The following APLP1 variants were observed in gnomAD, a reference collection of about 807,000 sequenced individuals.
The protein encoded by APLP1 is amyloid beta (A4) precursor-like protein 1.
APLP1 carries 46 observed loss-of-function variants against 84.5 expected under a neutral mutation model. The observed-to-expected ratio is 0.54, with a 90% CI of 0.43 to 0.70. The LOEUF is 0.70. Among genes scored for constraint, APLP1 ranks in the 30% least tolerant of loss-of-function variants. The probability of loss-of-function intolerance (pLI) is 0.00; values close to 1 mark genes in which losing one functional copy is unlikely to be tolerated. For synonymous variants in APLP1, 376 were observed against 364.0 expected, an observed-to-expected ratio of 1.03 and a Z score of -0.38; for missense variants, 826 against 900.2, an observed-to-expected ratio of 0.92 and a Z score of 1.05.
Position 35,879,419 on chromosome 19 carries a change from G to A in APLP1, c.1934G>A (p.Arg645His), listed in dbSNP as rs756305035. The A allele has an allele frequency of 6.2e-7, 1 of 1,613,422 alleles. No homozygotes were observed. The highest frequency in any genetic ancestry group is 1.1e-5 in the South Asian group (1 of 91,054). ...QRHGYENPTY[R>H]FLEERP ...CACGGCTATGAGAACCCCACTTACCGCTTCCTGGAGGAACGACCCTGACCC... is the reference window on the plus strand; with the variant it reads ...CACGGCTATGAGAACCCCACTTACCACTTCCTGGAGGAACGACCCTGACCC... The change falls in exon 17 of 17, where the codon CGC (arginine) becomes CAC (histidine). Residue 645 changes from arginine to histidine, a missense_variant. Transcript: ENST00000221891.
intron 10 of APLP1, 136 bp from the exon 11 acceptor site, chr19:35,876,381 C>A: frequency 1.4e-6 from 1 of 739,652 alleles, no homozygotes; most frequent in Non-Finnish European, 2.4e-6. Flanking sequence ...AGTTCCTAAC[C>A]CTTGTACCAC....
chr19:35,872,099 C>A, intron 6 of APLP1, 63 bp downstream of exon 6: 1 of 1,554,824 alleles, frequency 6.4e-7, no homozygotes, highest in Non-Finnish European at 8.7e-7. Context: ...CTGGGGGAGT[C>A]TTGCTGGGGG....
rs768465121 is a variant in APLP1, at chr19:35,879,350, C to T, written c.1865C>T (p.Pro622Leu). 1.2e-6 allele frequency: 2 copies of T among 1,613,942 alleles called. No individual in the cohort carries two copies. The highest frequency in any genetic ancestry group is 2.2e-5 in the East Asian group (1 of 44,866). Residue 622 changes from proline to leucine, a missense_variant, in exon 17 of 17, where the codon CCC becomes CTC. Around this residue, in one of 3 missense-constraint regions of APLP1, gnomAD observed 433 missense variants for 496.5 expected, o/e 0.87. Coordinates refer to ENST00000221891, the MANE Select transcript of APLP1 (RefSeq NM_001024807.3). Reference protein sequence around the residue: ...AISHGVVEVDPMLTLEEQQLR... With the variant: ...AISHGVVEVDLMLTLEEQQLR... Reference sequence around the variant, plus strand: ...CTCCCCTGCTCGTTGCAGGTGGACCCCATGCTGACCCTGGAGGAGCAGCAG... The same window carrying T: ...CTCCCCTGCTCGTTGCAGGTGGACCTCATGCTGACCCTGGAGGAGCAGCAG...
rs112935271 is a variant in APLP1, at chr19:35,876,617, G to A, written c.1444+1G>A. On this transcript the variant is annotated splice_donor_variant, in intron 11 of 16. Transcript: ENST00000221891. LOFTEE classifies it high-confidence loss of function. Reference sequence around the variant, plus strand: ...GCTCAGGAGCTGCGGCCCCAAATCCGTGAGTGTCTATTACCCTGGCTCCCA... The same window carrying A: ...GCTCAGGAGCTGCGGCCCCAAATCCATGAGTGTCTATTACCCTGGCTCCCA... 8 of 1,608,942 alleles carry A rather than the reference G, an allele frequency of 5.0e-6. No individual in the cohort carries two copies. Among genetic ancestry groups the A allele is most frequent in the Admixed American group, 3.4e-5 (2 of 59,312 alleles).
Position 35,870,893 on chromosome 19 carries a change from C to G in APLP1, c.292-3C>G. ...GCTGATTGCCCCCATCTGATCCCCC[C>G]AGATGTACCCGGAGCTGCAGATTGC... On this transcript the variant is annotated splice_polypyrimidine_tract_variant and splice_region_variant and intron_variant, in intron 2 of 16. Transcript: ENST00000221891. 2 of 1,604,164 alleles carry G rather than the reference C, an allele frequency of 1.2e-6. No homozygotes were observed. The highest frequency in any genetic ancestry group is 8.5e-7 in the Non-Finnish European group (1 of 1,176,314).
chr19:35,876,368 C>T (rs1336062244), intron 10 of APLP1, 149 bp from the exon 11 acceptor site: 16 of 651,856 alleles, frequency 2.5e-5, no homozygotes, highest in Non-Finnish European at 4.1e-5. Flanking sequence ...TCTCCTATGG[C>T]CCAGTTCCTA....
At chr19:35,873,278 G>A (rs1465048492) in intron 7 of APLP1, among the ~76,000 whole-genome samples, 3 of 139,598 alleles carry the variant, frequency 2.1e-5, no homozygotes, top group African/African-American at 2.7e-5. Flanking sequence ...ACAGAGTTTC[G>A]CTCTGTTGCC....
At chr19:35,872,137 A>G in intron 6 of APLP1, 101 bp downstream of exon 6, 3 of 1,371,510 alleles carry the variant, frequency 2.2e-6, no homozygotes, top group Non-Finnish European at 3.0e-6. Flanking sequence ...CTATAGGGGA[A>G]AGGCCCAACT....
At chr19:35,878,425 A>G in intron 13 of APLP1, 159 bp from the exon 14 acceptor site, 1 of 716,784 alleles carries the variant, frequency 1.4e-6, no homozygotes, top group Non-Finnish European at 2.4e-6. Flanking sequence ...GCATGTCTGT[A>G]GTCCCAGCTG....
chr19:35,870,178 A>G, intron 2 of APLP1: 1 of 292,358 alleles, frequency 3.4e-6, no homozygotes, highest in South Asian at 5.7e-5. Context: ...GTGGCCATGA[A>G]AAGACAAATT....
intron 8 of APLP1, 78 bp downstream of exon 8, chr19:35,873,791 G>T: frequency 3.6e-6 from 5 of 1,393,246 alleles, no homozygotes; most frequent in Non-Finnish European, 5.0e-6. Context: ...CTCTGGCTGT[G>T]CCCTGCCCAT....
intron 2 of APLP1, 48 bp downstream of exon 2, chr19:35,869,858 A>T (rs1388813346): frequency 4.5e-6 from 7 of 1,546,010 alleles, no homozygotes; most frequent in East Asian, 2.4e-5. Context: ...AGAAAGCTAG[A>T]CTTGAAAAAG....
chr19:35,869,542 A>G, intron 1 of APLP1, 125 bp from the exon 2 acceptor site: 2 of 1,314,886 alleles, frequency 1.5e-6, no homozygotes, highest in Non-Finnish European at 2.1e-6. Flanking sequence ...GCCTCCATGG[A>G]GGCGGTGTGC....
chr19:35,869,612 G>A, intron 1 of APLP1, 55 bp from the exon 2 acceptor site: 1 of 1,601,648 alleles, frequency 6.2e-7, no homozygotes, highest in Non-Finnish European at 8.5e-7. Flanking sequence ...AAGAACCAGG[G>A]GACCCTCATG....
In APLP1 at chr19:35,877,789, G is replaced by T; in HGVS notation, c.1516G>T (p.Asp506Tyr). Residue 506 changes from aspartate to tyrosine, a missense_variant, in exon 12 of 17, where the codon GAC becomes TAC. By Grantham distance (160) the Asp-to-Tyr change is radical. Around this residue, in one of 3 missense-constraint regions of APLP1, gnomAD observed 433 missense variants for 496.5 expected, o/e 0.87. Coordinates refer to ENST00000221891, the MANE Select transcript of APLP1 (RefSeq NM_001024807.3). ...EAPAPGGSSE[D>Y]KGGLQPPDSK... is the part of the protein sequence containing the mutation. ...CCCTGCCCCTGGGGGCAGCAGCGAG[G>T]ACAAGGGTGGGCTGCAGCCTCCAGA... 1 of 1,610,926 alleles carries T rather than the reference G, an allele frequency of 6.2e-7. No homozygotes were observed. The highest frequency in any genetic ancestry group is 8.5e-7 in the Non-Finnish European group (1 of 1,179,164).
intron 12 of APLP1, 87 bp downstream of exon 12, chr19:35,877,912 T>G (rs762474247): frequency 3.0e-6 from 4 of 1,340,072 alleles, no homozygotes; most frequent in East Asian, 2.4e-5. Flanking sequence ...GAGGGTGTCT[T>G]CACCACCACA....
chr19:35,877,791 CA>C lies in APLP1; in HGVS notation c.1520del (p.Lys507ArgfsTer16). 6.2e-7 allele frequency: 1 copy of C among 1,610,586 alleles called. No individual in the cohort carries two copies. The highest frequency in any genetic ancestry group is 8.5e-7 in the Non-Finnish European group (1 of 1,179,068). On this transcript the variant is annotated frameshift_variant, in exon 12 of 17. Coordinates refer to ENST00000221891, the MANE Select transcript of APLP1 (RefSeq NM_001024807.3). LOFTEE classifies it high-confidence loss of function. ...APAPGGSSEDKGGLQPPDSKD... is the reference protein window; with the variant it reads ...APAPGGSSEDXGGLQPPDSKD... ...CTGCCCCTGGGGGCAGCAGCGAGGA[CA>C]AGGGTGGGCTGCAGCCTCCAGATTC...
At chr19:35,877,388 C>T (rs571732422) in intron 11 of APLP1, among the ~76,000 whole-genome samples, 2 of 151,440 alleles carry the variant, frequency 1.3e-5, no homozygotes, top group African/African-American at 4.8e-5. Context: ...ACTTAGGAGG[C>T]TGAGGCAAGA....
At chr19:35,869,439 A>G in intron 1 of APLP1, 2 of 675,228 alleles carry the variant, frequency 3.0e-6, no homozygotes, top group South Asian at 3.3e-5. Flanking sequence ...CCGCGGCAAC[A>G]AGGCAGAAAG....
Sources: gnomAD v4.1 joint callset for allele counts (sites outside exome capture counted in the v4.1 genomes callset) on GRCh38, gnomAD v4.1.1 for gene constraint, gnomAD v4.1.1 regional missense constraint, MANE v1.5 for transcripts, NCBI Gene and HGNC (gene_info 2026-07-23, HGNC 2026-07-21) for gene names.